CHD7: variants seen among roughly 807,000 people sequenced by gnomAD.
The protein encoded by CHD7 is chromodomain helicase DNA binding protein 7, also known as ATP-dependent chromatin remodeler CHD7.
A neutral mutation model predicts 307.3 loss-of-function variants in CHD7; 24 were observed. The ratio of observed to expected loss-of-function variants is 0.08; its 90% CI spans 0.06 to 0.11. The LOEUF (loss-of-function observed/expected upper bound fraction) is 0.11. Among genes scored for constraint, CHD7 ranks in the 10% least tolerant of loss-of-function variants. CHD7 has a pLI of 1.00. For synonymous variants in CHD7, 1,363 were observed against 1,349.9 expected (o/e 1.01, Z -0.21); for missense variants, 3,106 against 3,727.1 (o/e 0.83, Z 4.34).
At position 60,822,543 on chromosome 8, in the gene CHD7, A is replaced by G. The variant is rs1352965615; in HGVS notation, c.2998A>G (p.Thr1000Ala). 6.2e-7 allele frequency: 1 copy of G among 1,613,552 alleles called. No homozygotes were observed. Among genetic ancestry groups the G allele is most frequent in the Non-Finnish European group, 8.5e-7 (1 of 1,179,622 alleles). The change falls in exon 12 of 38, where the codon ACT (threonine) becomes GCT (alanine). Residue 1000 changes from threonine to alanine, a missense_variant. Transcript: ENST00000423902. ...ILADEMGLGK[T>A]IQSITFLYEI... The stretch of plus-strand genomic sequence containing the variant: ...AGCAGATGAAATGGGTTTGGGAAAA[A>G]CTATCCAGTCCATTACATTTCTCTA...
At chr8:60,708,352 CAA>C (rs2150519730) in intron 1 of CHD7, among the ~76,000 whole-genome samples, 1 of 152,188 alleles carries the variant, frequency 6.6e-6, no homozygotes, top group East Asian at 1.9e-4. Flanking sequence ...AGAATGTTGG[CAA>C]AGTCTGTAGA....
chr8:60,862,624 C>T lies in CHD7; in HGVS notation c.8048C>T (p.Pro2683Leu). 6.4e-7 allele frequency: 1 copy of T among 1,569,284 alleles called. No individual in the cohort carries two copies. The highest frequency in any genetic ancestry group is 8.7e-7 in the Non-Finnish European group (1 of 1,155,928). ...GAAAATCCTGAATTTGCAGTTGCTCCAGACTGGACTGATATAGTTAAGCAG... is the reference window on the plus strand; with the variant it reads ...GAAAATCCTGAATTTGCAGTTGCTCTAGACTGGACTGATATAGTTAAGCAG... ...LEENPEFAVA[P>L]DWTDIVKQSG... is the part of the protein sequence containing the mutation. Residue 2683 changes from proline (P) to leucine (L), a missense_variant, in exon 37 of 38, where the codon CCA (proline) becomes CTA (leucine). This residue lies in a region of CHD7 where 59 missense variants were observed against 106.2 expected (regional missense o/e 0.56). Transcript: ENST00000423902.
chr8:60,811,373 A>G (rs1366292756), intron 7 of CHD7, among the ~76,000 whole-genome samples: 3 of 152,170 alleles, frequency 2.0e-5, no homozygotes, highest in East Asian at 3.8e-4. Context: ...AATTTTTGGC[A>G]TGAGCATGCA....
Position 60,742,518 on chromosome 8 carries a change from G to A in CHD7, c.1086G>A (p.Met362Ile). The A allele has an allele frequency of 1.2e-6, 2 of 1,614,006 alleles. No individual in the cohort carries two copies. The highest frequency in any genetic ancestry group is 1.7e-6 in the Non-Finnish European group (2 of 1,179,882). ...GFPSNSGQGL[M>I]HQQPIHPSGS... is the part of the protein sequence containing the mutation. ...CATCAAACAGTGGTCAAGGACTAAT[G>A]CACCAGCAGCCCATCCACCCCAGTG... Residue 362 changes from methionine (M) to isoleucine (I), a missense_variant, in exon 2 of 38, where the codon ATG becomes ATA. Physicochemically the swap from Met to Ile is conservative, Grantham distance 10. Around this residue, in one of 10 missense-constraint regions of CHD7, gnomAD observed 998 missense variants for 1,004.5 expected, o/e 0.99. Coordinates refer to ENST00000423902, the MANE Select transcript of CHD7 (RefSeq NM_017780.4).
In CHD7 at chr8:60,680,403, G is replaced by A. The variant is rs1285701457; in HGVS notation, c.-175+1321G>A. Among the ~76,000 whole-genome samples the A allele has an allele frequency of 4.2e-3, 543 of 130,084 alleles. 3 individuals carry two copies. Among genetic ancestry groups the A allele is most frequent in the African/African-American group, 0.014 (507 of 35,040 alleles). The allele number at this position is 130,084 out of a possible 152,430, so 85.3% of individuals were successfully genotyped here. On this transcript the variant is annotated intron_variant, in intron 1 of 37. Transcript: ENST00000423902. ...GCGCGGGGCTGTCGAGGTCGCGGGG[G>A]GGGGGGGCGGGGGCGGCGGCGGCGG...
chr8:60,701,440 A>G (rs557984351), intron 1 of CHD7, among the ~76,000 whole-genome samples: 1 of 152,292 alleles, frequency 6.6e-6, no homozygotes, highest in Non-Finnish European at 1.5e-5. Context: ...AGCTAGTTAT[A>G]CTTGGATGGT....
At chr8:60,824,280 C>T (rs1804172625) in intron 13 of CHD7, 1 of 433,180 alleles carries the variant, frequency 2.3e-6, no homozygotes. Context: ...ATTTGTTTTA[C>T]CCTTTGTTCA....
intron 1 of CHD7, among the ~76,000 whole-genome samples, chr8:60,735,560 G>A: frequency 6.6e-6 from 1 of 152,014 alleles, no homozygotes; most frequent in East Asian, 1.9e-4. Flanking sequence ...TATTTATGAA[G>A]AAATAAGAAT....
chr8:60,853,246 A>C lies in CHD7; in HGVS notation c.6521A>C (p.Lys2174Thr). Residue 2174 changes from lysine to threonine, a missense_variant, in exon 31 of 38, where the codon AAA becomes ACA. By Grantham distance (78) the Lys-to-Thr change is moderately conservative. Coordinates refer to ENST00000423902, the MANE Select transcript of CHD7 (RefSeq NM_017780.4). ...AGGGTACTGGAACAAGCCGAAGGCA[A>C]AGTGGAGGAGCCTGAAAACCCAGCT... is the stretch of plus-strand genomic sequence containing the variant. Reference protein sequence around the residue: ...DERVLEQAEGKVEEPENPAAK... With the variant: ...DERVLEQAEGTVEEPENPAAK... 6.2e-7 allele frequency: 1 copy of C among 1,613,816 alleles called. No individual in the cohort carries two copies.
In CHD7 at chr8:60,744,828, C is replaced by G. The variant is rs553162285; in HGVS notation, c.1665+1731C>G. Among the ~76,000 whole-genome samples, 26 of 150,642 alleles carry G rather than the reference C, an allele frequency of 1.7e-4. 1 individual carries two copies. Among genetic ancestry groups the G allele is most frequent in the Non-Finnish European group, 3.1e-4 (21 of 67,710 alleles). On this transcript the variant is annotated intron_variant, in intron 2 of 37. Coordinates refer to ENST00000423902, the MANE Select transcript of CHD7 (RefSeq NM_017780.4). Reference sequence around the variant, plus strand: ...TGAGATTGTGCCACTTCACTCCAGCCTGGGCAACAGAGCGAGACTCCATCT... The same window carrying G: ...TGAGATTGTGCCACTTCACTCCAGCGTGGGCAACAGAGCGAGACTCCATCT...
At chr8:60,744,515 A>G (rs1447896687) in intron 2 of CHD7, among the ~76,000 whole-genome samples, 1 of 97,094 alleles carries the variant, frequency 1.0e-5, no homozygotes, top group Non-Finnish European at 1.9e-5. Flanking sequence ...AGTGGTGATA[A>G]TTGTCTTCTA....
chr8:60,823,693 C>G, intron 12 of CHD7, 147 bp from the exon 13 acceptor site: 1 of 710,102 alleles, frequency 1.4e-6, no homozygotes, highest in East Asian at 2.7e-5. Context: ...TTAAAACTGC[C>G]AAAATAACTT....
intron 37 of CHD7, 167 bp downstream of exon 37, chr8:60,862,819 T>TCAG: frequency 4.7e-6 from 2 of 427,602 alleles, no homozygotes; most frequent in Non-Finnish European, 8.4e-6. Flanking sequence ...TAATACATCA[T>TCAG]TAATCCAAAG....
intron 2 of CHD7, among the ~76,000 whole-genome samples, chr8:60,759,480 CCT>C (rs57523672): frequency 9.3e-5 from 13 of 140,336 alleles, no homozygotes; most frequent in African/African-American, 3.8e-4. Flanking sequence ...TCCCTCTCTC[CCT>C]CTCTCCCTCT....
In CHD7 at chr8:60,754,270, T is replaced by C. The variant is rs1488620883; in HGVS notation, c.1665+11173T>C. Among the ~76,000 whole-genome samples, 3 of 152,328 alleles carry C rather than the reference T, an allele frequency of 2.0e-5. No individual in the cohort carries two copies. In the East Asian group the frequency reaches 5.8e-4, roughly 29 times the overall value. On this transcript the variant is annotated intron_variant, in intron 2 of 37. Coordinates refer to ENST00000423902, the MANE Select transcript of CHD7 (RefSeq NM_017780.4). ...GTGGCTCTTCCATTTTTTTCTTAAG[T>C]CATCTTAAATGATACATACTTAACT...
intron 6 of CHD7, 127 bp downstream of exon 6, chr8:60,801,720 G>A (rs1812325748): frequency 1.5e-6 from 1 of 646,094 alleles, no homozygotes; most frequent in African/African-American, 1.8e-5. Flanking sequence ...TTCTAATCCT[G>A]TCTAATTTAT....
At chr8:60,693,563 C>T (rs1310373594) in intron 1 of CHD7, among the ~76,000 whole-genome samples, 1 of 152,206 alleles carries the variant, frequency 6.6e-6, no homozygotes, top group Non-Finnish European at 1.5e-5. Context: ...GTGGCCTGTC[C>T]TTCCCTGGCC....
At chr8:60,832,042 G>C (rs575804471) in intron 15 of CHD7, among the ~76,000 whole-genome samples, 1 of 151,852 alleles carries the variant, frequency 6.6e-6, no homozygotes, top group African/African-American at 2.4e-5. Context: ...TTTTTCTTGA[G>C]ATAGGTTCTC....
chr8:60,731,265 A>G (rs533260524), intron 1 of CHD7, among the ~76,000 whole-genome samples: 2 of 152,378 alleles, frequency 1.3e-5, no homozygotes, highest in East Asian at 3.9e-4. Context: ...TAAATAAATC[A>G]TAAGTATTAT....
Sources: gnomAD v4.1 joint callset for allele counts (sites outside exome capture counted in the v4.1 genomes callset) on GRCh38, gnomAD v4.1.1 for gene constraint, gnomAD v4.1.1 regional missense constraint, MANE v1.5 for transcripts, NCBI Gene and HGNC (gene_info 2026-07-23, HGNC 2026-07-21) for gene names.